The following PRKCH variants were observed in gnomAD, a reference collection of about 807,000 sequenced individuals.
PRKCH encodes protein kinase C eta, also known as protein kinase C eta type.
In PRKCH, 28 loss-of-function variants were observed where a neutral mutation model predicts 82.5. The ratio of observed to expected loss-of-function variants is 0.34; its 90% CI spans 0.25 to 0.47. PRKCH has a LOEUF of 0.47. Ranked by LOEUF, PRKCH falls within the 20% of genes least tolerant of loss-of-function variation. The pLI is 1.00. For synonymous variants in PRKCH, 322 were observed against 327.4 expected, an observed-to-expected ratio of 0.98 and a Z score of 0.18; for missense variants, 705 against 881.8, an observed-to-expected ratio of 0.80 and a Z score of 2.54.
chr14:61,202,105 GA>G (rs2044486091), intron 1 of PRKCH, among the ~76,000 whole-genome samples: 1 of 152,192 alleles, frequency 6.6e-6, no homozygotes, highest in African/African-American at 2.4e-5. Context: ...CACCAAGTGG[GA>G]TGAGGGGCTT....
At position 61,533,189 on chromosome 14, in the gene PRKCH, A is replaced by C. The variant is rs377451786; in HGVS notation, c.1761+2594A>C. Among the ~76,000 whole-genome samples, 23 of 152,146 alleles carry C rather than the reference A, an allele frequency of 1.5e-4. No individual in the cohort carries two copies. The South Asian group carries it at 1.7e-3, about 11-fold the overall frequency. On this transcript the variant is annotated intron_variant, in intron 12 of 13. Coordinates refer to ENST00000332981, the MANE Select transcript of PRKCH (RefSeq NM_006255.5). ...CCAGATTATATGAAATAATATAGGTAAACTTCCCGGGCACATAATAAGCAT... is the reference window on the plus strand; with the variant it reads ...CCAGATTATATGAAATAATATAGGTCAACTTCCCGGGCACATAATAAGCAT...
upstream of PRKCH, among the ~76,000 whole-genome samples, chr14:61,320,026 G>A (rs1314521090): frequency 2.0e-5 from 3 of 152,126 alleles, no homozygotes; most frequent in Non-Finnish European, 2.9e-5. Context: ...AGGAGTGGGG[G>A]CTAGAAAGAT....
chr14:61,250,238 A>AAAATAAATAAATAAATAAATAAAT (rs371406494), intron 1 of PRKCH, among the ~76,000 whole-genome samples: 1 of 139,172 alleles, frequency 7.2e-6, no homozygotes, highest in African/African-American at 2.7e-5. Context: ...CTCAGTCTCA[A>AAAATAAATAAATAAATAAATAAAT]AAATAAATAA....
chr14:61,363,624 T>A (rs1453008715), intron 1 of PRKCH, among the ~76,000 whole-genome samples: 1 of 152,044 alleles, frequency 6.6e-6, no homozygotes, highest in Non-Finnish European at 1.5e-5. Context: ...CATCTGGCAA[T>A]TGAATGTGAG....
chr14:61,544,241 C>G (rs994868086), intron 12 of PRKCH: 1 of 152,078 alleles, frequency 6.6e-6, no homozygotes, highest in African/African-American at 2.4e-5. Context: ...ATCTGGTGCC[C>G]CATGAAAAGC....
intron 2 of PRKCH, among the ~76,000 whole-genome samples, chr14:61,417,982 G>C (rs1284134377): frequency 6.6e-6 from 1 of 152,222 alleles, no homozygotes; most frequent in Non-Finnish European, 1.5e-5. Context: ...TGAAAAGGGA[G>C]AGTGTGTCTT....
chr14:61,385,771 G>A (rs2046578486), intron 1 of PRKCH, among the ~76,000 whole-genome samples: 1 of 152,144 alleles, frequency 6.6e-6, no homozygotes, highest in Non-Finnish European at 1.5e-5. Flanking sequence ...TTACTCATTT[G>A]TTCCACAAAC....
chr14:61,456,416 T>C (rs757619374), intron 7 of PRKCH, among the ~76,000 whole-genome samples: 2 of 152,236 alleles, frequency 1.3e-5, no homozygotes, highest in Non-Finnish European at 2.9e-5. Flanking sequence ...AATTAATACC[T>C]TGTGAGATAT....
chr14:61,206,413 A>T (rs1463717413), intron 1 of PRKCH, among the ~76,000 whole-genome samples: 1 of 152,164 alleles, frequency 6.6e-6, no homozygotes, highest in Admixed American at 6.5e-5. Flanking sequence ...TCCTCTTCTT[A>T]TAGGAAACCA....
chr14:61,304,677 A>T (rs968191206), intron 1 of PRKCH: 1 of 151,478 alleles, frequency 6.6e-6, no homozygotes, highest in Non-Finnish European at 1.5e-5. Context: ...AAAAAAAATT[A>T]GTTGGACATA....
At chr14:61,382,155 G>C (rs1321472718) in intron 1 of PRKCH, among the ~76,000 whole-genome samples, 2 of 152,200 alleles carry the variant, frequency 1.3e-5, no homozygotes, top group Admixed American at 6.5e-5. Context: ...CCTCAGCCAG[G>C]CACAGTGGCT....
chr14:61,249,233 C>T (rs548541589), intron 1 of PRKCH, among the ~76,000 whole-genome samples: 2 of 152,278 alleles, frequency 1.3e-5, no homozygotes, highest in East Asian at 3.9e-4. Context: ...CTTAGGTCTC[C>T]AGTTAAAGAA....
intron 2 of PRKCH, among the ~76,000 whole-genome samples, chr14:61,394,399 T>G (rs1169552539): frequency 6.6e-6 from 1 of 152,132 alleles, no homozygotes; most frequent in African/African-American, 2.4e-5. Flanking sequence ...AAAATCAATG[T>G]AGTATTATGG....
Position 61,280,420 on chromosome 14 carries a change from GTGT to G in PRKCH, c.-19+92758_-19+92760del. The G allele has an allele frequency of 6.2e-7, 1 of 1,614,026 alleles. No homozygotes were observed. The highest frequency in any genetic ancestry group is 1.1e-5 in the South Asian group (1 of 91,090). On this transcript the variant is annotated intron_variant, in intron 1 of 3. Transcript: ENST00000555185. The surrounding 1 kb of genome is among the most constrained non-coding windows in gnomAD (Gnocchi z 5.0). ...CACGAAGTCCTGATTGATGAAGCCGGTGTTGTTGGGGTCGGGGCTGAGCTCGTA... is the reference window on the plus strand; with the variant it reads ...CACGAAGTCCTGATTGATGAAGCCGGTGTTGGGGTCGGGGCTGAGCTCGTA...
chr14:61,400,388 A>C (rs1316224287), intron 2 of PRKCH, among the ~76,000 whole-genome samples: 1 of 152,200 alleles, frequency 6.6e-6, no homozygotes, highest in Non-Finnish European at 1.5e-5. Flanking sequence ...AAAAAAATTT[A>C]TTCTTTTGGC....
At chr14:61,238,021 C>G (rs1274134928) in intron 1 of PRKCH, among the ~76,000 whole-genome samples, 1 of 152,224 alleles carries the variant, frequency 6.6e-6, no homozygotes, top group Non-Finnish European at 1.5e-5. Flanking sequence ...GGCTGAGATA[C>G]AGCAACTTGT....
intron 1 of PRKCH, among the ~76,000 whole-genome samples, chr14:61,373,252 A>C (rs1323778496): frequency 3.3e-5 from 5 of 151,902 alleles, no homozygotes. Context: ...GGCTGTACAG[A>C]AGCATGACTG....
intron 4 of PRKCH, among the ~76,000 whole-genome samples, chr14:61,446,544 A>G (rs1391791333): frequency 1.3e-5 from 2 of 152,264 alleles, no homozygotes; most frequent in Admixed American, 6.5e-5. Context: ...GATGTGAGGT[A>G]AAACATTACT....
intron 1 of PRKCH, among the ~76,000 whole-genome samples, chr14:61,371,702 T>C (rs563289646): frequency 5.2e-4 from 78 of 149,990 alleles, no homozygotes; most frequent in African/African-American, 1.8e-3. Context: ...ATTGCATGGC[T>C]AAAATTATGT....
Sources: gnomAD v4.1 joint callset for allele counts (sites outside exome capture counted in the v4.1 genomes callset) on GRCh38, gnomAD v4.1.1 for gene constraint, Gnocchi (gnomAD v3.1) non-coding constraint, MANE v1.5 for transcripts, NCBI Gene and HGNC (gene_info 2026-07-23, HGNC 2026-07-21) for gene names.